The following RB1 variants were observed in gnomAD, a reference collection of about 807,000 sequenced individuals.
RB1 encodes retinoblastoma-associated protein.
Under a neutral mutation model 135.4 loss-of-function variants are expected in RB1, and 18 were observed. That is an observed-to-expected ratio of 0.13 (90% CI 0.09 to 0.20). The LOEUF (loss-of-function observed/expected upper bound fraction) is 0.20. Ranked by LOEUF, RB1 falls within the 10% of genes least tolerant of loss-of-function variation. RB1 has a pLI of 1.00. For synonymous variants in RB1, 365 were observed against 373.2 expected (o/e 0.98, Z 0.25); for missense variants, 868 against 1,110.0 (o/e 0.78, Z 3.10).
At chr13:48,327,183 T>A (rs1224981126) in intron 2 of RB1, among the ~76,000 whole-genome samples, 2 of 49,048 alleles carry the variant, frequency 4.1e-5, no homozygotes, top group East Asian at 1.0e-3. Context: ...CAATGTTAAA[T>A]TTTTTTTTTT....
chr13:48,342,702 A>G lies in RB1; in HGVS notation c.368A>G (p.Asn123Ser), dbSNP rs2138084066. The change falls in exon 3 of 27, where the codon AAC becomes AGC. Residue 123 changes from asparagine to serine, a missense_variant. By Grantham distance (46) the Asn-to-Ser change is conservative. This residue lies in a region of RB1 where 641 missense variants were observed against 791.3 expected (regional missense o/e 0.81). Coordinates refer to ENST00000267163, the MANE Select transcript of RB1 (RefSeq NM_000321.3). ...TTCACTTTTACTGAGCTACAGAAAA[A>G]CATAGAAATCAGGTAAAGTTTCTTG... ...MSFTFTELQK[N>S]IEISVHKFFN... 2 of 1,601,854 alleles carry G rather than the reference A, an allele frequency of 1.2e-6. No individual in the cohort carries two copies. Among genetic ancestry groups the G allele is most frequent in the Non-Finnish European group, 1.7e-6 (2 of 1,169,162 alleles).
chr13:48,318,708 CT>C, intron 2 of RB1: 1 of 629,146 alleles, frequency 1.6e-6, no homozygotes. Context: ...TCTACGTTTC[CT>C]TTTGCAGCTC....
chr13:48,352,944 G>T (rs1019326313), intron 6 of RB1, among the ~76,000 whole-genome samples: 1 of 152,138 alleles, frequency 6.6e-6, no homozygotes, highest in African/African-American at 2.4e-5. Context: ...TTTTCAAAGG[G>T]AATGCTTCAA....
intron 6 of RB1, among the ~76,000 whole-genome samples, chr13:48,349,566 T>G (rs1952528301): frequency 6.6e-6 from 1 of 151,500 alleles, no homozygotes; most frequent in South Asian, 2.1e-4. Flanking sequence ...AGCAAGAAAC[T>G]AAAGCATATC....
chr13:48,402,806 T>C (rs1048898941), intron 17 of RB1, among the ~76,000 whole-genome samples: 3 of 152,128 alleles, frequency 2.0e-5, no homozygotes, highest in Non-Finnish European at 2.9e-5. Context: ...CAGGAAGTCT[T>C]ATGAGACCAC....
At position 48,464,958 on chromosome 13, in the gene RB1, C is replaced by CTTTTT. The variant is rs553094345; in HGVS notation, c.2212-20_2212-16dup. On this transcript the variant is annotated intron_variant, in intron 21 of 26. Transcript: ENST00000267163. Reference sequence around the variant, plus strand: ...AAATTCATTTAACAAGTAAATTTTACTTTTTTTTTTTTTTTTTTTTTTTTA... The same window carrying CTTTTT: ...AAATTCATTTAACAAGTAAATTTTACTTTTTTTTTTTTTTTTTTTTTTTTTTTTTA... 132 of 832,432 alleles carry CTTTTT rather than the reference C, an allele frequency of 1.6e-4. 3 individuals carry two copies. Among genetic ancestry groups the CTTTTT allele is most frequent in the Non-Finnish European group, 1.7e-4 (109 of 625,982 alleles). The allele number at this position is 832,432 out of a possible 1,614,324, so 51.6% of individuals were successfully genotyped here. A position where few individuals can be genotyped will look rare whatever the true frequency, so the allele number is the denominator to read the frequency against.
At chr13:48,361,775 G>T (rs1174435910) in intron 7 of RB1, among the ~76,000 whole-genome samples, 2 of 151,372 alleles carry the variant, frequency 1.3e-5, no homozygotes, top group Admixed American at 6.6e-5. Flanking sequence ...TTTTTTCCTT[G>T]TAATTTATTT....
intron 24 of RB1, 108 bp downstream of exon 24, chr13:48,473,498 C>A: frequency 2.2e-6 from 2 of 894,914 alleles, no homozygotes; most frequent in Non-Finnish European, 3.6e-6. Flanking sequence ...AACACCTCAT[C>A]CAGGCATATT....
At chr13:48,451,300 C>T (rs1031298520) in intron 17 of RB1, among the ~76,000 whole-genome samples, 7 of 152,060 alleles carry the variant, frequency 4.6e-5, no homozygotes, top group African/African-American at 7.2e-5. Context: ...AGATACATTC[C>T]TTGAATACCT....
intron 17 of RB1, among the ~76,000 whole-genome samples, chr13:48,385,353 C>T (rs1948564163): frequency 6.6e-6 from 1 of 152,140 alleles, no homozygotes; most frequent in African/African-American, 2.4e-5. Flanking sequence ...GACCACTATA[C>T]TACCTGTTTG....
intron 24 of RB1, among the ~76,000 whole-genome samples, chr13:48,475,487 GT>G (rs1949498725): frequency 1.3e-5 from 2 of 152,226 alleles, no homozygotes; most frequent in African/African-American, 4.8e-5. Context: ...CCCCTCCATA[GT>G]ACTGCTTGCT....
Position 48,480,967 on chromosome 13 carries a change from T to A in RB1, c.*896T>A, listed in dbSNP as rs1949535141. 8.7e-6 allele frequency: 2 copies of A among 228,606 alleles called. No individual in the cohort carries two copies. The highest frequency in any genetic ancestry group is 3.6e-4 in the South Asian group (2 of 5,496). 14.2% of individuals were successfully genotyped at this position (228,606 alleles called of 1,614,324 possible). ...TATATCCCAAGTGCACTTTCTAATG[T>A]TTCTGGGTCCTGAAGAATTAAGATA... On this transcript the variant is annotated 3_prime_UTR_variant, in exon 27 of 27. Transcript: ENST00000267163.
intron 6 of RB1, among the ~76,000 whole-genome samples, chr13:48,357,613 C>T (rs1952604216): frequency 6.6e-6 from 1 of 151,988 alleles, no homozygotes; most frequent in Non-Finnish European, 1.5e-5. Context: ...TCTAGATTAG[C>T]ATCAGGTCTC....
chr13:48,309,072 T>A lies in RB1; in HGVS notation c.264+1666T>A, dbSNP rs184966577. Among the ~76,000 whole-genome samples, 147 of 152,322 alleles carry A rather than the reference T, an allele frequency of 9.7e-4. No homozygotes were observed. The Middle Eastern group carries it at 0.01, about 11-fold the overall frequency. ...ATGCTATAAAATAATGTAATAAACA[T>A]TTGTATTCGTAAGAATAATGCCTGG... On this transcript the variant is annotated intron_variant, in intron 2 of 26. Transcript: ENST00000267163.
At chr13:48,391,014 T>C (rs1948606837) in intron 17 of RB1, among the ~76,000 whole-genome samples, 1 of 152,158 alleles carries the variant, frequency 6.6e-6, no homozygotes, top group Admixed American at 6.5e-5. Flanking sequence ...CATTTTCTAT[T>C]TGTCTCATCT....
chr13:48,390,191 A>G (rs915876087), intron 17 of RB1, among the ~76,000 whole-genome samples: 2 of 152,176 alleles, frequency 1.3e-5, no homozygotes, highest in African/African-American at 4.8e-5. Context: ...AAACAAACAA[A>G]AAGTAACAGG....
At chr13:48,460,265 C>T (rs1341142507) in intron 20 of RB1, among the ~76,000 whole-genome samples, 3 of 152,054 alleles carry the variant, frequency 2.0e-5, no homozygotes, top group Admixed American at 1.3e-4. Context: ...CCACCGCACC[C>T]AGCCTTGTTA....
intron 4 of RB1, among the ~76,000 whole-genome samples, chr13:48,346,262 T>C (rs1176442788): frequency 6.6e-6 from 1 of 151,882 alleles, no homozygotes; most frequent in Non-Finnish European, 1.5e-5. Flanking sequence ...AAGGCATAAA[T>C]AAAATATGAA....
rs746954896 is a variant in RB1 at position 48,362,860 on chromosome 13, G to C, written c.764G>C (p.Arg255Pro). 1.2e-6 allele frequency: 2 copies of C among 1,613,842 alleles called. No homozygotes were observed. Among genetic ancestry groups the C allele is most frequent in the Admixed American group, 3.3e-5 (2 of 60,010 alleles). ...AATGGTTCACCTCGAACACCCAGGCGAGGTCAGAACAGGAGTGCACGGATA... is the reference window on the plus strand; with the variant it reads ...AATGGTTCACCTCGAACACCCAGGCCAGGTCAGAACAGGAGTGCACGGATA... ...PINGSPRTPR[R>P]GQNRSARIAK... The change falls in exon 8 of 27, where the codon CGA (arginine) becomes CCA (proline). Residue 255 changes from arginine (R) to proline (P), a missense_variant. Physicochemically the swap from Arg to Pro is moderately radical, Grantham distance 103 (BLOSUM62 -2). Around this residue, in one of 3 missense-constraint regions of RB1, gnomAD observed 641 missense variants for 791.3 expected, o/e 0.81. Transcript: ENST00000267163.
Sources: gnomAD v4.1 joint callset for allele counts (sites outside exome capture counted in the v4.1 genomes callset) on GRCh38, gnomAD v4.1.1 for gene constraint, gnomAD v4.1.1 regional missense constraint, MANE v1.5 for transcripts, NCBI Gene and HGNC (gene_info 2026-07-23, HGNC 2026-07-21) for gene names.